Variants in EPHA6 observed in about 807,000 individuals in gnomAD.
The protein encoded by EPHA6 is EPH receptor A6.
EPHA6 carries 50 observed loss-of-function variants against 112.0 expected under a neutral mutation model. The observed-to-expected ratio is 0.45, with a 90% CI of 0.36 to 0.56. EPHA6 has a LOEUF of 0.56. EPHA6 is among the 20% of genes least tolerant of loss of function. EPHA6 has a pLI of 0.00. For missense variants in EPHA6, 1,280 were observed against 1,417.4 expected (o/e 0.90, Z 1.56); for synonymous variants, 529 against 490.7 (o/e 1.08, Z -1.03).
intron 1 of EPHA6, among the ~76,000 whole-genome samples, chr3:96,840,661 A>G (rs16836342): frequency 0.013 from 2,016 of 152,200 alleles, 50 homozygotes; most frequent in African/African-American, 0.045. Flanking sequence ...TGAAGGTACA[A>G]TTCTGGAGTG....
Position 96,940,033 on chromosome 3 carries a change from A to G in EPHA6, c.451-47297A>G, listed in dbSNP as rs1447821440. Among the ~76,000 whole-genome samples, 4 of 152,124 alleles carry G rather than the reference A, an allele frequency of 2.6e-5. No homozygotes were observed. In the East Asian group the frequency reaches 7.7e-4, roughly 29 times the overall value. ...GTGCTTTACTTCCAACTATGTGGTT[A>G]ATTTTGGAATACGTGTGGTGTGGTG... On this transcript the variant is annotated intron_variant, in intron 2 of 17. Transcript: ENST00000389672.
chr3:97,741,312 C>A (rs1357123710), intron 16 of EPHA6, among the ~76,000 whole-genome samples: 5 of 151,938 alleles, frequency 3.3e-5, no homozygotes, highest in African/African-American at 1.2e-4. Context: ...ATGATCATGA[C>A]ACTACACTCC....
intron 14 of EPHA6, among the ~76,000 whole-genome samples, chr3:97,683,554 G>GA (rs1436953605): frequency 6.6e-6 from 1 of 152,124 alleles, no homozygotes; most frequent in Non-Finnish European, 1.5e-5. Context: ...ATTTTACAGA[G>GA]AGGAGAGTGG....
At chr3:96,839,253 C>T (rs960646054) in intron 1 of EPHA6, among the ~76,000 whole-genome samples, 102 of 152,178 alleles carry the variant, frequency 6.7e-4, no homozygotes, top group South Asian at 6.2e-4. Context: ...CAAGCATTAC[C>T]GCCTAGTGTC....
At chr3:97,032,460 AAG>A (rs1170767145) in intron 3 of EPHA6, among the ~76,000 whole-genome samples, 1 of 152,042 alleles carries the variant, frequency 6.6e-6, no homozygotes, top group Non-Finnish European at 1.5e-5. Context: ...ATAAAATAAA[AAG>A]AATAAAAAAA....
chr3:97,291,990 G>C (rs952229618), intron 5 of EPHA6, among the ~76,000 whole-genome samples: 1 of 152,222 alleles, frequency 6.6e-6, no homozygotes, highest in African/African-American at 2.4e-5. Context: ...GCACGGAGCA[G>C]TGGGGGGTAT....
intron 5 of EPHA6, among the ~76,000 whole-genome samples, chr3:97,260,500 A>G (rs1436396962): frequency 6.6e-6 from 1 of 152,218 alleles, no homozygotes; most frequent in African/African-American, 2.4e-5. Flanking sequence ...GCTTCCTCAA[A>G]TATGGGCAAT....
intron 3 of EPHA6, among the ~76,000 whole-genome samples, chr3:97,145,459 T>A (rs558000005): frequency 2.2e-4 from 34 of 151,562 alleles, no homozygotes; most frequent in South Asian, 1.5e-3. Context: ...TCACATTTTT[T>A]AAAAAATTTT....
intron 14 of EPHA6, among the ~76,000 whole-genome samples, chr3:97,642,402 C>T (rs372644667): frequency 1.4e-3 from 192 of 141,388 alleles, no homozygotes; most frequent in Middle Eastern, 3.5e-3. Flanking sequence ...TCCAAAGGAA[C>T]GCAGTTCCTC....
intron 5 of EPHA6, among the ~76,000 whole-genome samples, chr3:97,312,952 A>T (rs754486079): frequency 6.6e-6 from 1 of 151,460 alleles, no homozygotes. Flanking sequence ...AGCAATGTTT[A>T]CATATACATT....
intron 4 of EPHA6, 103 bp from the exon 5 acceptor site, chr3:97,243,849 T>G: frequency 1.2e-6 from 1 of 864,036 alleles, no homozygotes; most frequent in African/African-American, 1.7e-5. Context: ...GAGTTCAAAC[T>G]AACATAAAAG....
intron 1 of EPHA6, among the ~76,000 whole-genome samples, chr3:96,844,979 TAAAAG>T (rs2034984525): frequency 6.6e-6 from 1 of 151,978 alleles, no homozygotes; most frequent in Admixed American, 6.6e-5. Flanking sequence ...CATGTGTAGA[TAAAAG>T]AAATAAAAAT....
intron 13 of EPHA6, among the ~76,000 whole-genome samples, chr3:97,630,843 A>C (rs1014337941): frequency 3.9e-5 from 6 of 151,978 alleles, no homozygotes; most frequent in African/African-American, 1.2e-4. Flanking sequence ...CTTCCTTCCA[A>C]GTCCTCAAAT....
chr3:97,089,216 G>T (rs991289246), intron 3 of EPHA6, among the ~76,000 whole-genome samples: 1 of 152,016 alleles, frequency 6.6e-6, no homozygotes, highest in African/African-American at 2.4e-5. Flanking sequence ...TGAATATAAG[G>T]TATAACTCTT....
intron 3 of EPHA6, among the ~76,000 whole-genome samples, chr3:96,992,141 A>AG (rs2043238950): frequency 6.6e-6 from 1 of 152,116 alleles, no homozygotes; most frequent in African/African-American, 2.4e-5. Flanking sequence ...CTTTAATTTG[A>AG]TCAACAACGT....
chr3:97,144,595 G>A (rs2108360298), intron 3 of EPHA6, among the ~76,000 whole-genome samples: 1 of 150,890 alleles, frequency 6.6e-6, no homozygotes, highest in East Asian at 1.9e-4. Context: ...CTACACCACT[G>A]TAAATATTGT....
intron 5 of EPHA6, among the ~76,000 whole-genome samples, chr3:97,293,868 A>C (rs1025363459): frequency 2.6e-5 from 4 of 152,310 alleles, no homozygotes; most frequent in South Asian, 4.1e-4. Flanking sequence ...AGCCTGTGCC[A>C]AGCCACCTTC....
intron 14 of EPHA6, among the ~76,000 whole-genome samples, chr3:97,667,067 C>A (rs1346362416): frequency 6.6e-6 from 1 of 152,116 alleles, no homozygotes; most frequent in Non-Finnish European, 1.5e-5. Flanking sequence ...TGGGACACCA[C>A]CATATTAGTT....
chr3:97,188,398 A>G (rs538844709), intron 3 of EPHA6, among the ~76,000 whole-genome samples: 109 of 152,176 alleles, frequency 7.2e-4, no homozygotes, highest in Non-Finnish European at 1.2e-3. Flanking sequence ...CATACTATAT[A>G]TTATTTATTT....
Sources: gnomAD v4.1 joint callset for allele counts (sites outside exome capture counted in the v4.1 genomes callset) on GRCh38, gnomAD v4.1.1 for gene constraint, MANE v1.5 for transcripts, NCBI Gene and HGNC (gene_info 2026-07-23, HGNC 2026-07-21) for gene names.